The following ADK variants were observed in gnomAD, a reference collection of about 807,000 sequenced individuals.
ADK encodes the protein adenosine kinase.
A neutral mutation model predicts 44.7 loss-of-function variants in ADK; 24 were observed. The observed-to-expected ratio is 0.54, with a 90% CI of 0.39 to 0.76. The LOEUF (loss-of-function observed/expected upper bound fraction) is 0.76, where lower values mean the gene tolerates loss of function less well. Among genes scored for constraint, ADK ranks in the 30% least tolerant of loss-of-function variants. The probability of loss-of-function intolerance (pLI) is 0.00; values close to 1 mark genes in which losing one functional copy is unlikely to be tolerated. For missense variants in ADK, 321 were observed against 425.1 expected, an observed-to-expected ratio of 0.76 and a Z score of 2.15; for synonymous variants, 128 against 142.6, an observed-to-expected ratio of 0.90 and a Z score of 0.73.
intron 4 of ADK, among the ~76,000 whole-genome samples, chr10:74,347,991 T>G (rs1051591077): frequency 2.6e-5 from 4 of 152,172 alleles, no homozygotes; most frequent in African/African-American, 9.7e-5. Context: ...GGGCGCAGCT[T>G]CAGAGGACAT....
intron 7 of ADK, among the ~76,000 whole-genome samples, chr10:74,563,892 A>G (rs1272511737): frequency 6.6e-6 from 1 of 151,728 alleles, no homozygotes; most frequent in Non-Finnish European, 1.5e-5. Context: ...TTATTTATTT[A>G]TTTATTTTTT....
chr10:74,484,009 C>T (rs1047818093), intron 6 of ADK, among the ~76,000 whole-genome samples: 4 of 152,220 alleles, frequency 2.6e-5, no homozygotes, highest in African/African-American at 2.4e-5. Context: ...ACTGTTCCAA[C>T]GTTGCTTCCA....
chr10:74,265,405 G>A (rs1318704273), intron 3 of ADK, among the ~76,000 whole-genome samples: 1 of 151,912 alleles, frequency 6.6e-6, no homozygotes, highest in Middle Eastern at 3.2e-3. Context: ...TAGTAGAGAC[G>A]GGGTTTCACC....
At position 74,178,860 on chromosome 10, in the gene ADK, CTG is replaced by C. The variant is rs1208379328; in HGVS notation, c.66-21903_66-21902del. 3.3e-5 allele frequency among the ~76,000 whole-genome samples: 5 copies of C among 152,262 alleles called. No homozygotes were observed. The East Asian group carries it at 9.7e-4, about 29-fold the overall frequency. Reference sequence around the variant, plus strand: ...CTATTACATTTTACACCTGAGGAAACTGAGACAAAAGTTGAGTGCCTTGTGCA... The same window carrying C: ...CTATTACATTTTACACCTGAGGAAACAGACAAAAGTTGAGTGCCTTGTGCA... On this transcript the variant is annotated intron_variant, in intron 1 of 10. Coordinates refer to ENST00000539909, the MANE Select transcript of ADK (RefSeq NM_006721.4).
intron 10 of ADK, among the ~76,000 whole-genome samples, chr10:74,676,486 T>C (rs1157270174): frequency 1.3e-5 from 2 of 152,094 alleles, no homozygotes; most frequent in East Asian, 1.9e-4. Context: ...AATACTTTTT[T>C]TGGAGGGGGA....
intron 9 of ADK, among the ~76,000 whole-genome samples, chr10:74,620,019 G>A (rs1852926510): frequency 6.6e-6 from 1 of 152,168 alleles, no homozygotes; most frequent in Admixed American, 6.5e-5. Flanking sequence ...ACAACACCCT[G>A]CCCATCGTGA....
chr10:74,608,665 C>G (rs999016986), intron 9 of ADK, among the ~76,000 whole-genome samples: 1 of 152,050 alleles, frequency 6.6e-6, no homozygotes, highest in Non-Finnish European at 1.5e-5. Context: ...AGGGGTCTGT[C>G]GACCCTTGCT....
intron 4 of ADK, among the ~76,000 whole-genome samples, chr10:74,393,815 A>G (rs562644139): frequency 4.0e-4 from 61 of 152,258 alleles, no homozygotes; most frequent in African/African-American, 1.4e-3. Flanking sequence ...TGCTCTTTTT[A>G]TGACAATGCT....
At chr10:74,318,879 T>C (rs983261809) in intron 4 of ADK, among the ~76,000 whole-genome samples, 7 of 152,228 alleles carry the variant, frequency 4.6e-5, no homozygotes, top group Admixed American at 2.0e-4. Context: ...TCCTAAGTAT[T>C]CTATGTTTAC....
At chr10:74,166,713 A>G (rs904402722) in intron 1 of ADK, among the ~76,000 whole-genome samples, 2 of 151,904 alleles carry the variant, frequency 1.3e-5, no homozygotes, top group Non-Finnish European at 2.9e-5. Context: ...AAAAAAAAAA[A>G]AGAAATGGTT....
At chr10:74,387,948 C>T (rs1017957773) in intron 4 of ADK, among the ~76,000 whole-genome samples, 3 of 151,738 alleles carry the variant, frequency 2.0e-5, no homozygotes, top group African/African-American at 7.3e-5. Context: ...ACTCTTATTG[C>T]CCAGGCTGGA....
rs112610557 is a variant in ADK at position 74,358,515 on chromosome 10, A to G, written c.274-35626A>G. Among the ~76,000 whole-genome samples, 754 of 152,330 alleles carry G rather than the reference A, an allele frequency of 4.9e-3. 12 individuals carry two copies. The highest frequency in any genetic ancestry group is 0.017 in the African/African-American group (702 of 41,562). On this transcript the variant is annotated intron_variant, in intron 4 of 10. Transcript: ENST00000539909. Reference sequence around the variant, plus strand: ...AACTGATTCTGTTTTGAAAATCTAGAATAAAGTTTATGCAAAAGCATATGG... The same window carrying G: ...AACTGATTCTGTTTTGAAAATCTAGGATAAAGTTTATGCAAAAGCATATGG...
chr10:74,624,678 T>C (rs1279128136), intron 9 of ADK, among the ~76,000 whole-genome samples: 8 of 152,086 alleles, frequency 5.3e-5, no homozygotes, highest in African/African-American at 1.9e-4. Flanking sequence ...TTTTTCGTTA[T>C]TAGGATGACC....
intron 2 of ADK, among the ~76,000 whole-genome samples, chr10:74,221,657 T>C (rs1591882077): frequency 6.8e-6 from 1 of 147,442 alleles, no homozygotes; most frequent in East Asian, 1.9e-4. Context: ...AGCATGGTAC[T>C]GGTACCAAAA....
intron 10 of ADK, among the ~76,000 whole-genome samples, chr10:74,673,731 C>T (rs748105727): frequency 9.2e-5 from 14 of 152,278 alleles, no homozygotes; most frequent in South Asian, 2.1e-4. Flanking sequence ...AGTTCTTGTC[C>T]GGCATCCAGG....
chr10:74,186,270 CTTCTCCCCTTTCCCTTCTCCT>C (rs1842764093), intron 1 of ADK, among the ~76,000 whole-genome samples: 2 of 150,616 alleles, frequency 1.3e-5, no homozygotes, highest in Non-Finnish European at 1.5e-5. Flanking sequence ...TCCCTTCTCC[CTTCTCCCCTTTCCCTTCTCCT>C]TTCCTTTCCA....
rs367966707 is a variant in ADK at position 74,314,579 on chromosome 10, T to A, written c.195-88T>A. On this transcript the variant is annotated intron_variant, in intron 3 of 10. Transcript: ENST00000539909. ...AACAATAAAAACATTTTACTATTTG[T>A]GTTTTAATACTCTTCTGCTCAGAAA... is the stretch of plus-strand genomic sequence containing the variant. 2.1e-4 allele frequency: 167 copies of A among 779,126 alleles called. 1 individual carries two copies. In the Middle Eastern group the frequency reaches 2.4e-3, roughly 11 times the overall value. The allele number at this position is 779,126 out of a possible 1,614,324, so 48.3% of individuals were successfully genotyped here.
At chr10:74,632,382 A>G (rs1035746927) in intron 9 of ADK, among the ~76,000 whole-genome samples, 1 of 152,224 alleles carries the variant, frequency 6.6e-6, no homozygotes, top group African/African-American at 2.4e-5. Flanking sequence ...GTGGCTTAAA[A>G]GAACAAAAAT....
intron 1 of ADK, among the ~76,000 whole-genome samples, chr10:74,162,221 A>G (rs990246349): frequency 2.0e-5 from 3 of 151,264 alleles, no homozygotes; most frequent in Non-Finnish European, 4.4e-5. Context: ...GGGTTTCACC[A>G]TGTTGGCCAG....
Sources: gnomAD v4.1 joint callset for allele counts (sites outside exome capture counted in the v4.1 genomes callset) on GRCh38, gnomAD v4.1.1 for gene constraint, MANE v1.5 for transcripts, NCBI Gene and HGNC (gene_info 2026-07-23, HGNC 2026-07-21) for gene names.